The following TRPM3 variants were observed in gnomAD, a reference collection of about 807,000 sequenced individuals.
TRPM3 encodes transient receptor potential cation channel subfamily M member 3.
A neutral mutation model predicts 181.2 loss-of-function variants in TRPM3; 77 were observed. That is an observed-to-expected ratio of 0.42 (90% CI 0.35 to 0.51). The LOEUF is 0.51. Ranked by LOEUF, TRPM3 falls within the 20% of genes least tolerant of loss-of-function variation. The pLI, the probability that TRPM3 is intolerant of heterozygous loss-of-function variation, is 0.01. For missense variants in TRPM3, 1,759 were observed against 2,196.7 expected, an observed-to-expected ratio of 0.80 and a Z score of 3.98; for synonymous variants, 745 against 796.4, an observed-to-expected ratio of 0.94 and a Z score of 1.09.
intron 6 of TRPM3, among the ~76,000 whole-genome samples, chr9:70,798,706 G>T (rs913974383): frequency 2.6e-5 from 4 of 152,112 alleles, no homozygotes; most frequent in African/African-American, 9.7e-5. Context: ...TCATACCTTA[G>T]GACTAGAAGA....
At chr9:70,653,908 C>A (rs761375095) in intron 9 of TRPM3, among the ~76,000 whole-genome samples, 1 of 152,058 alleles carries the variant, frequency 6.6e-6, no homozygotes, top group East Asian at 1.9e-4. Flanking sequence ...CTTCTTAGTT[C>A]TAAAGTTCTG....
At chr9:70,774,752 G>A (rs949566228) in intron 7 of TRPM3, 6 of 152,194 alleles carry the variant, frequency 3.9e-5, no homozygotes, top group African/African-American at 1.4e-4. Flanking sequence ...AGAGGTTTAT[G>A]CTCATGAATG....
intron 6 of TRPM3, among the ~76,000 whole-genome samples, chr9:70,823,980 A>G (rs1163206288): frequency 2.6e-5 from 4 of 152,178 alleles, no homozygotes. Context: ...GAGGAGGGAC[A>G]ATGAAAGTCA....
intron 1 of TRPM3, among the ~76,000 whole-genome samples, chr9:70,901,523 A>G (rs933212134): frequency 2.6e-5 from 4 of 152,200 alleles, no homozygotes; most frequent in Admixed American, 6.5e-5. Context: ...GTGGTAAAAC[A>G]TTTTATGGAA....
At chr9:71,294,246 C>T (rs1458209978) in intron 1 of TRPM3, among the ~76,000 whole-genome samples, 1 of 151,864 alleles carries the variant, frequency 6.6e-6, no homozygotes, top group Non-Finnish European at 1.5e-5. Context: ...AACAAAACTG[C>T]ACCTAGAATA....
At chr9:71,068,815 C>T (rs188450086) in intron 1 of TRPM3, among the ~76,000 whole-genome samples, 80 of 152,304 alleles carry the variant, frequency 5.3e-4, no homozygotes, top group African/African-American at 1.8e-3. Context: ...TTATCCAAAA[C>T]CTTGCTTGTG....
intron 1 of TRPM3, among the ~76,000 whole-genome samples, chr9:71,096,590 A>ACACACT (rs1452142664): frequency 0.11 from 9,943 of 89,906 alleles, 667 homozygotes; most frequent in East Asian, 0.16. Context: ...ACACACACAC[A>ACACACT]CTCTCTCTCT....
chr9:70,549,534 G>T lies in TRPM3; in HGVS notation c.3707+8C>A. 6.2e-7 allele frequency: 1 copy of T among 1,611,116 alleles called. No homozygotes were observed. The highest frequency in any genetic ancestry group is 8.5e-7 in the Non-Finnish European group (1 of 1,179,014). ...CATCTGCAGGAGGCAGGTGTCCACA[G>T]AACACACCTTTCTGAAGTCACCCGT... On this transcript the variant is annotated splice_region_variant and intron_variant, in intron 25 of 25. Transcript: ENST00000677713.
intron 1 of TRPM3, among the ~76,000 whole-genome samples, chr9:71,407,910 T>C (rs1354068766): frequency 6.6e-6 from 1 of 152,222 alleles, no homozygotes; most frequent in Non-Finnish European, 1.5e-5. Context: ...TTTGCTGTTC[T>C]GCAGTATTTG....
chr9:70,974,240 T>C (rs895700832), intron 1 of TRPM3, among the ~76,000 whole-genome samples: 3 of 151,992 alleles, frequency 2.0e-5, no homozygotes, highest in Non-Finnish European at 2.9e-5. Context: ...AGGAGAAATG[T>C]GTTTAAATAA....
chr9:70,645,635 G>A (rs1391662811), intron 9 of TRPM3, among the ~76,000 whole-genome samples: 1 of 151,776 alleles, frequency 6.6e-6, no homozygotes, highest in Admixed American at 6.6e-5. Context: ...ATACCATCCA[G>A]GACACAGGCA....
intron 1 of TRPM3, among the ~76,000 whole-genome samples, chr9:71,102,913 T>C (rs1317745097): frequency 2.0e-5 from 3 of 152,200 alleles, no homozygotes; most frequent in African/African-American, 4.8e-5. Context: ...TTGGATTGAA[T>C]TGATTTCTAG....
intron 1 of TRPM3, among the ~76,000 whole-genome samples, chr9:71,202,156 C>T (rs1035343588): frequency 1.3e-5 from 2 of 152,174 alleles, no homozygotes; most frequent in African/African-American, 2.4e-5. Flanking sequence ...TTTTCATGAA[C>T]CGCAAATGCT....
At chr9:70,665,270 C>G (rs529371831) in intron 9 of TRPM3, among the ~76,000 whole-genome samples, 3 of 151,928 alleles carry the variant, frequency 2.0e-5, no homozygotes, top group Admixed American at 6.6e-5. Flanking sequence ...AAGAACTGTT[C>G]TTAGTTTCAT....
At chr9:71,409,019 G>C (rs1293386366) in intron 1 of TRPM3, among the ~76,000 whole-genome samples, 1 of 152,136 alleles carries the variant, frequency 6.6e-6, no homozygotes, top group Non-Finnish European at 1.5e-5. Flanking sequence ...AGCTTCATAA[G>C]TGAAGGAGAT....
intron 1 of TRPM3, among the ~76,000 whole-genome samples, chr9:71,442,782 C>A (rs1218201003): frequency 5.3e-5 from 8 of 152,136 alleles, no homozygotes; most frequent in Non-Finnish European, 1.5e-5. Context: ...CTGTGGTGAG[C>A]AGCTGACATT....
At chr9:70,977,475 A>G (rs1035681926) in intron 1 of TRPM3, among the ~76,000 whole-genome samples, 1 of 152,200 alleles carries the variant, frequency 6.6e-6, no homozygotes, top group African/African-American at 2.4e-5. Flanking sequence ...CTGACACCAA[A>G]TAAGTGGTTT....
At chr9:70,693,858 G>A (rs2069339961) in intron 8 of TRPM3, among the ~76,000 whole-genome samples, 1 of 152,166 alleles carries the variant, frequency 6.6e-6, no homozygotes, top group African/African-American at 2.4e-5. Flanking sequence ...GGACCTTTGA[G>A]GGTACAAAAA....
intron 1 of TRPM3, among the ~76,000 whole-genome samples, chr9:70,922,150 T>G (rs1020077251): frequency 3.9e-5 from 6 of 152,124 alleles, no homozygotes; most frequent in African/African-American, 1.4e-4. Context: ...GAGACACATA[T>G]CTGTGCATAG....
Sources: allele counts gnomAD v4.1 joint callset (sites outside exome capture counted in the v4.1 genomes callset), GRCh38; gene constraint gnomAD v4.1.1; transcripts MANE v1.5; gene names NCBI Gene and HGNC (gene_info 2026-07-23, HGNC 2026-07-21).